The following CKAP2 variants were observed in gnomAD, a reference collection of about 807,000 sequenced individuals.
CKAP2 encodes cytoskeleton-associated protein 2.
Under a neutral mutation model 58.4 loss-of-function variants are expected in CKAP2, and 46 were observed. The ratio of observed to expected loss-of-function variants is 0.79; its 90% CI spans 0.62 to 1.01. The LOEUF is 1.01. CKAP2 is among the 50% of genes least tolerant of loss of function. The probability of loss-of-function intolerance (pLI) is 0.00; values close to 1 mark genes in which losing one functional copy is unlikely to be tolerated. For synonymous variants in CKAP2, 293 were observed against 280.9 expected (o/e 1.04, Z -0.43); for missense variants, 809 against 796.4 (o/e 1.02, Z -0.19).
chr13:52,456,243 G>A (rs1385792068), intron 1 of CKAP2: 1 of 983,454 alleles, frequency 1.0e-6, no homozygotes, highest in South Asian at 4.1e-5. Flanking sequence ...AGCTTGGCTA[G>A]CAGGAGCTGT....
Position 52,475,115 on chromosome 13 carries a change from G to A in CKAP2, c.2023G>A (p.Val675Met). The A allele has an allele frequency of 6.2e-7, 1 of 1,614,202 alleles. No homozygotes were observed. The highest frequency in any genetic ancestry group is 8.5e-7 in the Non-Finnish European group (1 of 1,180,024). Residue 675 changes from valine to methionine, a missense_variant, in exon 9 of 9, where the codon GTG becomes ATG. This residue lies in a region of CKAP2 where 283 missense variants were observed against 287.6 expected (regional missense o/e 0.98). Transcript: ENST00000258607. ...VCRPNAALCR[V>M]YYEADTT ...CCGCCCTAATGCAGCACTGTGCCGG[G>A]TGTACTATGAGGCTGATACAACATA...
intron 6 of CKAP2, among the ~76,000 whole-genome samples, chr13:52,466,126 T>C (rs1958674466): frequency 6.6e-6 from 1 of 152,104 alleles, no homozygotes. Flanking sequence ...CCGGTTTCTC[T>C]AACATTATTA....
chr13:52,469,222 GTAGTA>G (rs1958724011), intron 7 of CKAP2, among the ~76,000 whole-genome samples: 1 of 152,172 alleles, frequency 6.6e-6, no homozygotes. Context: ...GTGGCTTTAT[GTAGTA>G]TAAAGAATTT....
rs774165256 is a variant in CKAP2 at position 52,468,289 on chromosome 13, G to T, written c.1488G>T (p.Glu496Asp). ...AILAGAQPIE[E>D]MRHTIVDILT... The stretch of plus-strand genomic sequence containing the variant: ...TTAAAAAAATTAAGCCTATTGAAGA[G>T]ATGCGACACACGATTGTAGATATTC... Residue 496 changes from glutamate to aspartate, a missense_variant, in exon 7 of 9, where the codon GAG becomes GAT. Transcript: ENST00000258607. 1 of 1,595,600 alleles carries T rather than the reference G, an allele frequency of 6.3e-7. No individual in the cohort carries two copies. The highest frequency in any genetic ancestry group is 1.7e-5 in the Admixed American group (1 of 57,328).
intron 2 of CKAP2, among the ~76,000 whole-genome samples, chr13:52,458,687 AC>A (rs1958524413): frequency 6.6e-6 from 1 of 151,994 alleles, no homozygotes; most frequent in Non-Finnish European, 1.5e-5. Context: ...ACATGGTGAA[AC>A]CCCGTCTCTA....
chr13:52,461,691 C>A lies in CKAP2; in HGVS notation c.865C>A (p.Leu289Ile). 1 of 1,613,956 alleles carries A rather than the reference C, an allele frequency of 6.2e-7. No individual in the cohort carries two copies. Among genetic ancestry groups the A allele is most frequent in the Non-Finnish European group, 8.5e-7 (1 of 1,179,976 alleles). The change falls in exon 4 of 9, where the codon CTA becomes ATA. Residue 289 changes from leucine to isoleucine, a missense_variant. Physicochemically the swap from Leu to Ile is conservative, Grantham distance 5. This residue lies in a region of CKAP2 where 523 missense variants were observed against 492.4 expected (regional missense o/e 1.06). Transcript: ENST00000258607. Reference protein sequence around the residue: ...TIRKGPHEKELLQSKTALSSV... With the variant: ...TIRKGPHEKEILQSKTALSSV... ...CCGGAAAGGGCCTCATGAAAAAGAA[C>A]TATTACAATCAAAAACAGCTTTATC...
At chr13:52,468,244 A>G (rs770920075) in intron 6 of CKAP2, 34 bp from the exon 7 acceptor site, 2 of 1,322,628 alleles carry the variant, frequency 1.5e-6, no homozygotes, top group Non-Finnish European at 2.1e-6. Flanking sequence ...AATAAAACTT[A>G]CATGGATCTG....
At position 52,468,232 on chromosome 13, in the gene CKAP2, A is replaced by T. The variant is rs369532772; in HGVS notation, c.1477-46A>T. 8.0e-5 allele frequency: 97 copies of T among 1,206,598 alleles called. No individual in the cohort carries two copies. The African/African-American group carries it at 1.4e-3, about 17-fold the overall frequency. The allele number at this position is 1,206,598 out of a possible 1,614,324, so 74.7% of individuals were successfully genotyped here. A position where few individuals can be genotyped will look rare whatever the true frequency, so the allele number is the denominator to read the frequency against. On this transcript the variant is annotated intron_variant, in intron 6 of 8. Transcript: ENST00000258607. ...CTTGGATACCTAGTTAATGTCAGAG[A>T]AAATAAAACTTACATGGATCTGCTT... is the stretch of plus-strand genomic sequence containing the variant.
chr13:52,456,121 T>G (rs1477736383), intron 1 of CKAP2: 3 of 1,018,306 alleles, frequency 2.9e-6, no homozygotes, highest in Non-Finnish European at 3.5e-6. Flanking sequence ...AATATTGTTA[T>G]TCCCTTATTC....
intron 2 of CKAP2, among the ~76,000 whole-genome samples, chr13:52,459,732 G>T (rs1412377552): frequency 2.6e-5 from 4 of 151,928 alleles, no homozygotes; most frequent in Middle Eastern, 3.2e-3. Context: ...TTTTCCTATC[G>T]TTATAGTACA....
At chr13:52,472,202 C>G (rs186873964) in intron 7 of CKAP2, among the ~76,000 whole-genome samples, 134 of 152,082 alleles carry the variant, frequency 8.8e-4, no homozygotes, top group Non-Finnish European at 1.0e-3. Flanking sequence ...TTTGTGCTCC[C>G]TGTTTTTTTC....
rs1257771204 is a variant in CKAP2, at chr13:52,475,281, C to T, written c.*140C>T. On this transcript the variant is annotated 3_prime_UTR_variant, in exon 9 of 9. Coordinates refer to ENST00000258607, the MANE Select transcript of CKAP2 (RefSeq NM_018204.5). ...GCATTCACGGCAGTGAGCTCCTTTA[C>T]TAACATTCATGTTATGGCAAGAGTT... 3 of 1,022,616 alleles carry T rather than the reference C, an allele frequency of 2.9e-6. No individual in the cohort carries two copies. Among genetic ancestry groups the T allele is most frequent in the Non-Finnish European group, 2.8e-6 (2 of 713,708 alleles). The allele number at this position is 1,022,616 out of a possible 1,614,324, so 63.3% of individuals were successfully genotyped here. A position where few individuals can be genotyped will look rare whatever the true frequency, so the allele number is the denominator to read the frequency against.
intron 2 of CKAP2, among the ~76,000 whole-genome samples, chr13:52,459,318 A>ATTTTG (rs745420947): frequency 3.3e-5 from 5 of 151,796 alleles, no homozygotes; most frequent in Non-Finnish European, 7.4e-5. Context: ...ATATATATAT[A>ATTTTG]TTTTGTTTTG....
chr13:52,461,986 T>C, intron 4 of CKAP2, 60 bp downstream of exon 4: 1 of 1,411,566 alleles, frequency 7.1e-7, no homozygotes, highest in Non-Finnish European at 9.4e-7. Context: ...TTTGTAGATT[T>C]GGATTATAAT....
intron 2 of CKAP2, 42 bp downstream of exon 2, chr13:52,456,649 T>C (rs1380614495): frequency 3.5e-6 from 5 of 1,437,194 alleles, no homozygotes; most frequent in African/African-American, 1.4e-5. Flanking sequence ...TAAAATTGTA[T>C]CAGATCTGTC....
rs1191499989 is a variant in CKAP2 at position 52,462,347 on chromosome 13, C to T, written c.1101-16C>T. Reference sequence around the variant, plus strand: ...AGCAATTTCAAAGTAACGTTTATATCTGCTTCTAACTATAGAGCTCGTCTG... The same window carrying T: ...AGCAATTTCAAAGTAACGTTTATATTTGCTTCTAACTATAGAGCTCGTCTG... On this transcript the variant is annotated splice_polypyrimidine_tract_variant and intron_variant, in intron 4 of 8. Transcript: ENST00000258607. The T allele has an allele frequency of 1.9e-6, 3 of 1,599,498 alleles. No homozygotes were observed. The highest frequency in any genetic ancestry group is 2.7e-5 in the African/African-American group (2 of 73,954).
intron 1 of CKAP2, chr13:52,455,985 G>C: frequency 2.0e-5 from 22 of 1,087,180 alleles, no homozygotes; most frequent in Non-Finnish European, 2.4e-5. Flanking sequence ...GCCTGCGCTG[G>C]GTCCTCCGCC....
In CKAP2 at chr13:52,465,313, A is replaced by G; in HGVS notation, c.1324A>G (p.Ile442Val). 6.2e-7 allele frequency: 1 copy of G among 1,611,578 alleles called. No homozygotes were observed. Among genetic ancestry groups the G allele is most frequent in the Middle Eastern group, 1.7e-4 (1 of 5,894 alleles). ...LINEGCPKED[I>V]LVTLNDLIKN... ...TTTTTAGGGATGTCCAAAAGAAGAT[A>G]TACTGGTCACACTGAATGACCTGAT... Residue 442 changes from isoleucine to valine, a missense_variant, in exon 6 of 9, where the codon ATA (isoleucine) becomes GTA (valine). Ile to Val is a conservative substitution (Grantham distance 29). This residue lies in a region of CKAP2 where 283 missense variants were observed against 287.6 expected (regional missense o/e 0.98). Coordinates refer to ENST00000258607, the MANE Select transcript of CKAP2 (RefSeq NM_018204.5).
At chr13:52,470,488 A>G (rs560750183) in intron 7 of CKAP2, among the ~76,000 whole-genome samples, 18 of 152,294 alleles carry the variant, frequency 1.2e-4, no homozygotes, top group Admixed American at 6.5e-5. Flanking sequence ...AGTATGCAAA[A>G]TTAATTTAAG....
Sources: allele counts gnomAD v4.1 joint callset (sites outside exome capture counted in the v4.1 genomes callset), GRCh38; gene constraint gnomAD v4.1.1; regional missense constraint gnomAD v4.1.1; transcripts MANE v1.5; gene names NCBI Gene and HGNC (gene_info 2026-07-23, HGNC 2026-07-21).